The following MAML3 variants were observed in gnomAD, a reference collection of about 807,000 sequenced individuals.
MAML3 encodes mastermind like transcriptional coactivator 3, also known as mastermind-like protein 3.
In MAML3, 27 loss-of-function variants were observed where a neutral mutation model predicts 101.9. The observed-to-expected ratio is 0.27, with a 90% CI of 0.20 to 0.37. The LOEUF is 0.37. Among genes scored for constraint, MAML3 ranks in the 10% least tolerant of loss-of-function variants. MAML3 has a pLI of 1.00. For synonymous variants in MAML3, 501 were observed against 555.9 expected, an observed-to-expected ratio of 0.90 and a Z score of 1.39; for missense variants, 1,316 against 1,444.9, an observed-to-expected ratio of 0.91 and a Z score of 1.45.
intron 1 of MAML3, among the ~76,000 whole-genome samples, chr4:140,069,423 A>AGG (rs1727599557): frequency 9.5e-5 from 1 of 10,554 alleles, no homozygotes; most frequent in African/African-American, 4.9e-4. Flanking sequence ...GGAGGAGGGG[A>AGG]AGGAGGAGAA....
intron 2 of MAML3, among the ~76,000 whole-genome samples, chr4:139,835,258 T>A (rs1287604644): frequency 6.6e-6 from 1 of 152,284 alleles, no homozygotes; most frequent in Admixed American, 6.5e-5. Context: ...CATGCATGTT[T>A]ATACTTCTGT....
At chr4:139,884,654 C>A (rs1560823998) in intron 2 of MAML3, among the ~76,000 whole-genome samples, 2 of 152,166 alleles carry the variant, frequency 1.3e-5, no homozygotes, top group Non-Finnish European at 2.9e-5. Context: ...GGTTGCCTTC[C>A]CAGCAATCTC....
In MAML3 at chr4:140,060,526, T is replaced by C. The variant is rs565615277; in HGVS notation, c.468+92334A>G. ...ATAAGAATTTCTTTGAACAGGGCAT[T>C]AGATCTTTGAACAGGGCATGTCTAG... On this transcript the variant is annotated intron_variant, in intron 1 of 4. Transcript: ENST00000509479. Among the ~76,000 whole-genome samples, 6 of 152,110 alleles carry C rather than the reference T, an allele frequency of 3.9e-5. No individual in the cohort carries two copies. The South Asian group carries it at 1.2e-3, about 32-fold the overall frequency.
At chr4:140,003,374 C>T (rs1726369398) in intron 1 of MAML3, among the ~76,000 whole-genome samples, 2 of 152,214 alleles carry the variant, frequency 1.3e-5, no homozygotes, top group South Asian at 2.1e-4. Flanking sequence ...AAAAGAGAAA[C>T]ACAAGACACT....
At chr4:140,051,393 A>C (rs961603252) in intron 1 of MAML3, among the ~76,000 whole-genome samples, 1 of 151,946 alleles carries the variant, frequency 6.6e-6, no homozygotes, top group Non-Finnish European at 1.5e-5. Flanking sequence ...TGTCTCTACT[A>C]AAAATACAAA....
chr4:140,136,087 G>T (rs931390742), intron 1 of MAML3, among the ~76,000 whole-genome samples: 4 of 152,162 alleles, frequency 2.6e-5, no homozygotes, highest in African/African-American at 9.7e-5. Flanking sequence ...CCCTCACACT[G>T]ATCTCTGGTG....
chr4:139,984,509 A>G (rs1460075541), intron 1 of MAML3, among the ~76,000 whole-genome samples: 4 of 152,200 alleles, frequency 2.6e-5, no homozygotes, highest in Non-Finnish European at 4.4e-5. Flanking sequence ...TTATTATAGC[A>G]TAGCCTACAC....
chr4:139,922,428 C>T (rs933967431), intron 1 of MAML3, among the ~76,000 whole-genome samples: 1 of 152,010 alleles, frequency 6.6e-6, no homozygotes, highest in African/African-American at 2.4e-5. Flanking sequence ...AGAAGGCAGG[C>T]CTGCTTCAGA....
intron 1 of MAML3, among the ~76,000 whole-genome samples, chr4:140,077,493 C>G (rs925413834): frequency 6.6e-6 from 1 of 152,166 alleles, no homozygotes; most frequent in Non-Finnish European, 1.5e-5. Flanking sequence ...TCGAGCCAAA[C>G]AGATTAGAAT....
At chr4:139,911,759 C>T (rs908131886) in intron 1 of MAML3, among the ~76,000 whole-genome samples, 3 of 152,182 alleles carry the variant, frequency 2.0e-5, no homozygotes, top group Admixed American at 1.3e-4. Flanking sequence ...GTGAAGACAT[C>T]GGAAGAAGAC....
intron 1 of MAML3, among the ~76,000 whole-genome samples, chr4:139,942,181 G>T (rs1733620210): frequency 6.6e-6 from 1 of 151,106 alleles, no homozygotes; most frequent in South Asian, 2.1e-4. Context: ...AAGGCAGGCA[G>T]GCAGGCAGGC....
In MAML3 at chr4:139,748,635, C is replaced by T. The variant is rs532368588; in HGVS notation, c.2080-17968G>A. 1.9e-4 allele frequency among the ~76,000 whole-genome samples: 27 copies of T among 140,480 alleles called. 1 individual carries two copies. Among genetic ancestry groups the T allele is most frequent in the Admixed American group, 5.2e-4 (7 of 13,554 alleles). 92.2% of individuals were successfully genotyped at this position (140,480 alleles called of 152,430 possible). On this transcript the variant is annotated intron_variant, in intron 2 of 4. Coordinates refer to ENST00000509479, the MANE Select transcript of MAML3 (RefSeq NM_018717.5). The stretch of plus-strand genomic sequence containing the variant: ...TCCCCCAAATCAGGATGAGGTTCAG[C>T]TTGACCACAGCTGTGCTTTCTATAG...
chr4:139,848,329 A>G (rs893251095), intron 2 of MAML3, among the ~76,000 whole-genome samples: 7 of 152,202 alleles, frequency 4.6e-5, no homozygotes, highest in African/African-American at 1.7e-4. Flanking sequence ...CATATGTCAG[A>G]TATTTTCTGG....
chr4:140,119,015 T>C lies in MAML3; in HGVS notation c.468+33845A>G, dbSNP rs142217011. Among the ~76,000 whole-genome samples the C allele has an allele frequency of 8.0e-3, 1,219 of 152,310 alleles. 23 individuals are homozygous for C. The highest frequency in any genetic ancestry group is 0.028 in the African/African-American group (1,156 of 41,572). Reference sequence around the variant, plus strand: ...GGCTTGTTAGCCAGGGGAATGGTAGTAAGCAGCAGCTTCAGTCAAAGCTAG... The same window carrying C: ...GGCTTGTTAGCCAGGGGAATGGTAGCAAGCAGCAGCTTCAGTCAAAGCTAG... On this transcript the variant is annotated intron_variant, in intron 1 of 4. Coordinates refer to ENST00000509479, the MANE Select transcript of MAML3 (RefSeq NM_018717.5).
Position 139,821,328 on chromosome 4 carries a change from G to A in MAML3, c.2079+68029C>T, listed in dbSNP as rs147516352. ...GAGTGAGCATTACCCCCTAAGCTCC[G>A]CCTCCTGTCAGATCAGCAGTGGCAT... On this transcript the variant is annotated intron_variant, in intron 2 of 4. Transcript: ENST00000509479. Among the ~76,000 whole-genome samples, 1,275 of 152,198 alleles carry A rather than the reference G, an allele frequency of 8.4e-3. 8 individuals carry two copies. The highest frequency in any genetic ancestry group is 0.03 in the African/African-American group (1,230 of 41,530).
intron 4 of MAML3, among the ~76,000 whole-genome samples, chr4:139,721,886 A>T (rs1205804167): frequency 6.6e-6 from 1 of 152,212 alleles, no homozygotes; most frequent in Non-Finnish European, 1.5e-5. Context: ...TTGTGACCTT[A>T]ACGACTAAAT....
intron 2 of MAML3, among the ~76,000 whole-genome samples, chr4:139,881,542 A>T (rs1192293391): frequency 6.6e-6 from 1 of 152,200 alleles, no homozygotes; most frequent in Non-Finnish European, 1.5e-5. Flanking sequence ...ACACTTTACA[A>T]GCCCCATCTA....
At chr4:140,067,053 A>G (rs1256926462) in intron 1 of MAML3, among the ~76,000 whole-genome samples, 1 of 152,204 alleles carries the variant, frequency 6.6e-6, no homozygotes, top group East Asian at 1.9e-4. Context: ...ATCCCTGAAT[A>G]ATACATTTTG....
chr4:139,957,355 T>G (rs1733932894), intron 1 of MAML3, among the ~76,000 whole-genome samples: 2 of 152,178 alleles, frequency 1.3e-5, no homozygotes, highest in African/African-American at 4.8e-5. Flanking sequence ...AAGTTAGGAA[T>G]CAAATCCAAC....
Sources: allele counts gnomAD v4.1 joint callset (sites outside exome capture counted in the v4.1 genomes callset), GRCh38; gene constraint gnomAD v4.1.1; transcripts MANE v1.5; gene names NCBI Gene and HGNC (gene_info 2026-07-23, HGNC 2026-07-21).